The following SLITRK2 variants were observed in gnomAD, a reference collection of about 807,000 sequenced individuals.
The protein encoded by SLITRK2 is SLIT and NTRK like family member 2.
In SLITRK2, 13 loss-of-function variants were observed where a neutral mutation model predicts 35.4. The ratio of observed to expected loss-of-function variants is 0.37; its 90% CI spans 0.24 to 0.58. The LOEUF (loss-of-function observed/expected upper bound fraction) is 0.58. Ranked by LOEUF, SLITRK2 falls within the 20% of genes least tolerant of loss-of-function variation. SLITRK2 has a pLI of 0.75. For missense variants in SLITRK2, 471 were observed against 634.3 expected, an observed-to-expected ratio of 0.74 and a Z score of 2.76; for synonymous variants, 294 against 264.7, an observed-to-expected ratio of 1.11 and a Z score of -1.07.
rs2073080415 is a variant in SLITRK2, at chrX:145,824,339, T to C, written c.1914T>C (p.Gly638=). Reference sequence around the variant, plus strand: ...TCTTATCTGTCTGTTTTGGGGCTGGTTTATTCGTCTTTGTCTTGAAACGCC... The same window carrying C: ...TCTTATCTGTCTGTTTTGGGGCTGGCTTATTCGTCTTTGTCTTGAAACGCC... The part of the protein sequence containing the change: ...VFILSVCFGA[G]LFVFVLKRRK... Residue 638 remains glycine (G), a synonymous_variant, in exon 5 of 5, where the codon GGT becomes GGC. Transcript: ENST00000335565. The C allele has an allele frequency of 8.3e-7, 1 of 1,209,320 alleles. No individual in the cohort carries two copies. Among genetic ancestry groups the C allele is most frequent in the Non-Finnish European group, 1.1e-6 (1 of 895,153 alleles).
Position 145,825,082 on chromosome X carries a change from T to C in SLITRK2, c.*119T>C. 5.9e-6 allele frequency: 5 copies of C among 843,011 alleles called. No individual in the cohort carries two copies. Among genetic ancestry groups the C allele is most frequent in the Non-Finnish European group, 8.0e-6 (5 of 622,761 alleles). The allele number at this position is 843,011 out of a possible 1,213,427, so 69.5% of individuals were successfully genotyped here. On this transcript the variant is annotated 3_prime_UTR_variant, in exon 5 of 5. Coordinates refer to ENST00000335565, the MANE Select transcript of SLITRK2 (RefSeq NM_032539.5). ...CTTTCCCAGTGTTAATGGGGGACTT[T>C]GAAAATGTTTGGGAGATAGGATGAA... is the stretch of plus-strand genomic sequence containing the variant.
rs1603140211 is a variant in SLITRK2 at position 145,824,285 on chromosome X, C to T, written c.1860C>T (p.Val620=). The change falls in exon 5 of 5, where the codon GTC becomes GTT. Residue 620 remains valine, a synonymous_variant. Transcript: ENST00000335565. ...TACACACTGAAGTTCCACTGTCTGT[C>T]TTAATTCTGGGATTGCTTGTTGTTT... is the stretch of plus-strand genomic sequence containing the variant. ...PELHTEVPLS[V]LILGLLVVFI... The T allele has an allele frequency of 8.3e-7, 1 of 1,210,977 alleles. No individual in the cohort carries two copies. Among genetic ancestry groups the T allele is most frequent in the Non-Finnish European group, 1.1e-6 (1 of 895,040 alleles).
chrX:145,821,021 T>A (rs1455761599), intron 2 of SLITRK2: 1 of 107,683 alleles, frequency 9.3e-6, no homozygotes, highest in Non-Finnish European at 1.9e-5. Context: ...AGAGAGCATC[T>A]GAGCTAGGAG....
Position 145,829,279 on chromosome X carries a change from A to C in SLITRK2, c.*4316A>C, listed in dbSNP as rs1248877092. The stretch of plus-strand genomic sequence containing the variant: ...CTTGTGAATTCTTTCATAAAGCAGA[A>C]AACCATTTTATAATACAAATAACCA... On this transcript the variant is annotated 3_prime_UTR_variant, in exon 5 of 5. Transcript: ENST00000335565. 2.4e-5 allele frequency: 3 copies of C among 123,924 alleles called. No homozygotes were observed. The highest frequency in any genetic ancestry group is 9.7e-5 in the African/African-American group (3 of 31,043). 10.2% of individuals were successfully genotyped at this position (123,924 alleles called of 1,213,427 possible). A position where few individuals can be genotyped will look rare whatever the true frequency, so the allele number is the denominator to read the frequency against.
rs1569506591 is a variant in SLITRK2 at position 145,823,312 on chromosome X, C to A, written c.887C>A (p.Thr296Asn). ...SPTMNPALNP[T>N]RAPKASRPPK... ...ACAATGAATCCTGCTCTCAACCCAA[C>A]CAGGGCTCCGAAAGCCAGCCGGCCG... The change falls in exon 5 of 5, where the codon ACC (threonine) becomes AAC (asparagine). Residue 296 changes from threonine to asparagine, a missense_variant. Thr to Asn is a moderately conservative substitution (Grantham distance 65). This residue lies in a region of SLITRK2 where 56 missense variants were observed against 48.7 expected (regional missense o/e 1.15). Coordinates refer to ENST00000335565, the MANE Select transcript of SLITRK2 (RefSeq NM_032539.5). 1.7e-6 allele frequency: 2 copies of A among 1,209,478 alleles called. No homozygotes were observed. The highest frequency in any genetic ancestry group is 1.1e-6 in the Non-Finnish European group (1 of 895,028).
In SLITRK2 at chrX:145,828,727, G is replaced by A. The variant is rs2073148138; in HGVS notation, c.*3764G>A. ...AAGTTAAGTTTTTAAAGGTGATTCTGTGCAGTAAGGTATAAAACAGATATA... is the reference window on the plus strand; with the variant it reads ...AAGTTAAGTTTTTAAAGGTGATTCTATGCAGTAAGGTATAAAACAGATATA... On this transcript the variant is annotated 3_prime_UTR_variant, in exon 5 of 5. Transcript: ENST00000335565. 1 of 122,942 alleles carries A rather than the reference G, an allele frequency of 8.1e-6. No homozygotes were observed. Among genetic ancestry groups the A allele is most frequent in the Non-Finnish European group, 1.9e-5 (1 of 53,256 alleles). The allele number at this position is 122,942 out of a possible 1,213,427, so 10.1% of individuals were successfully genotyped here.
In SLITRK2 at chrX:145,822,590, C is replaced by T. The variant is rs144700867; in HGVS notation, c.165C>T (p.Ser55=). Reference sequence around the variant, plus strand: ...AGAACAAAGGATTTACAACAGTTAGCCTGCTCCAGCCCCCCCAGTATCGAA... The same window carrying T: ...AGAACAAAGGATTTACAACAGTTAGTCTGCTCCAGCCCCCCCAGTATCGAA... ...NCENKGFTTV[S]LLQPPQYRIY... Residue 55 remains serine (S), a synonymous_variant, in exon 5 of 5, where the codon AGC becomes AGT. Coordinates refer to ENST00000335565, the MANE Select transcript of SLITRK2 (RefSeq NM_032539.5). 17 of 1,209,475 alleles carry T rather than the reference C, an allele frequency of 1.4e-5. No homozygotes were observed. The African/African-American group carries it at 1.6e-4, about 11-fold the overall frequency.
In SLITRK2 at chrX:145,827,455, T is replaced by C. The variant is rs782393263; in HGVS notation, c.*2492T>C. The stretch of plus-strand genomic sequence containing the variant: ...ATTTTTATTTTTCTGAAAGTAAAGA[T>C]ACTCCTGTAAAATGCCATTGTCCAT... On this transcript the variant is annotated 3_prime_UTR_variant, in exon 5 of 5. Transcript: ENST00000335565. 3.7e-6 allele frequency: 1 copy of C among 269,637 alleles called. No homozygotes were observed. The highest frequency in any genetic ancestry group is 6.6e-5 in the East Asian group (1 of 15,130). 22.2% of individuals were successfully genotyped at this position (269,637 alleles called of 1,213,427 possible).
rs782673748 is a variant in SLITRK2, at chrX:145,824,710, G to C, written c.2285G>C (p.Arg762Pro). The C allele has an allele frequency of 8.3e-7, 1 of 1,211,567 alleles. No individual in the cohort carries two copies. The highest frequency in any genetic ancestry group is 1.8e-5 in the South Asian group (1 of 56,934). The change falls in exon 5 of 5, where the codon CGA (arginine) becomes CCA (proline). Residue 762 changes from arginine to proline, a missense_variant. Coordinates refer to ENST00000335565, the MANE Select transcript of SLITRK2 (RefSeq NM_032539.5). ...CTGCTGTATCAAAATATTGCTGAGC[G>C]AGTCAAGGAACTTCCCAGCGCAGGC... Reference protein sequence around the residue: ...PELLYQNIAERVKELPSAGLV... With the variant: ...PELLYQNIAEPVKELPSAGLV...
chrX:145,820,639 T>A (rs2072986072), intron 2 of SLITRK2, 103 bp downstream of exon 2: 1 of 111,680 alleles, frequency 9.0e-6, no homozygotes, highest in Non-Finnish European at 1.9e-5. Flanking sequence ...CCCCTGCCCC[T>A]GCAGCCTGGA....
rs782500621 is a variant in SLITRK2 at position 145,823,375 on chromosome X, T to G, written c.950T>G (p.Val317Gly). The stretch of plus-strand genomic sequence containing the variant: ...AATCGTCCAACTCCTCGAGTGACTG[T>G]GTCAAAGGACAGGCAAAGTTTTGGA... ...MRNRPTPRVTVSKDRQSFGPI... is the reference protein window; with the variant it reads ...MRNRPTPRVTGSKDRQSFGPI... The change falls in exon 5 of 5, where the codon GTG (valine) becomes GGG (glycine). Residue 317 changes from valine to glycine, a missense_variant. Physicochemically the swap from Val to Gly is moderately radical, Grantham distance 109. Transcript: ENST00000335565. 1 of 1,209,873 alleles carries G rather than the reference T, an allele frequency of 8.3e-7. No individual in the cohort carries two copies. Among genetic ancestry groups the G allele is most frequent in the Admixed American group, 2.2e-5 (1 of 45,743 alleles).
rs911997400 is a variant in SLITRK2, at chrX:145,829,485, C to T, written c.*4522C>T. On this transcript the variant is annotated 3_prime_UTR_variant, in exon 5 of 5. Transcript: ENST00000335565. ...ATGTGAATTGAGCTATCAAGCAATG[C>T]TATCATAGCACAGTAGCAGTCCTGA... 9.0e-5 allele frequency: 11 copies of T among 122,876 alleles called. No individual in the cohort carries two copies. The highest frequency in any genetic ancestry group is 3.3e-4 in the African/African-American group (10 of 30,667). The allele number at this position is 122,876 out of a possible 1,213,427, so 10.1% of individuals were successfully genotyped here. A position where few individuals can be genotyped will look rare whatever the true frequency, so the allele number is the denominator to read the frequency against.
In SLITRK2 at chrX:145,823,292, G is replaced by T; in HGVS notation, c.867G>T (p.Met289Ile). 8.3e-7 allele frequency: 1 copy of T among 1,211,716 alleles called. No individual in the cohort carries two copies. The highest frequency in any genetic ancestry group is 1.1e-6 in the Non-Finnish European group (1 of 895,533). The change falls in exon 5 of 5, where the codon ATG becomes ATT. Residue 289 changes from methionine (M) to isoleucine (I), a missense_variant. Met to Ile is a conservative substitution (Grantham distance 10, BLOSUM62 1). Transcript: ENST00000335565. ...DTHVQRLSPT[M>I]NPALNPTRAP... ...ACGTCCAAAGGCTGTCACCTACAAT[G>T]AATCCTGCTCTCAACCCAACCAGGG...
intron 1 of SLITRK2, chrX:145,818,729 G>C (rs782099064): frequency 8.9e-6 from 1 of 112,214 alleles, no homozygotes; most frequent in East Asian, 2.8e-4. Context: ...AGATGCGAGT[G>C]AGACAGGCGA....
In SLITRK2 at chrX:145,829,819, T is replaced by C. The variant is rs2073157703; in HGVS notation, c.*4856T>C. The C allele has an allele frequency of 8.1e-6, 1 of 123,684 alleles. No homozygotes were observed. The highest frequency in any genetic ancestry group is 1.9e-5 in the Non-Finnish European group (1 of 53,374). 10.2% of individuals were successfully genotyped at this position (123,684 alleles called of 1,213,427 possible). A position where few individuals can be genotyped will look rare whatever the true frequency, so the allele number is the denominator to read the frequency against. ...CAAATGAAACAAGCTCTTGTGTAAA[T>C]AGACTTCTGTGCCTAATAGTGACAT... On this transcript the variant is annotated 3_prime_UTR_variant, in exon 5 of 5. Coordinates refer to ENST00000335565, the MANE Select transcript of SLITRK2 (RefSeq NM_032539.5).
In SLITRK2 at chrX:145,824,533, A is replaced by G. The variant is rs1556944967; in HGVS notation, c.2108A>G (p.Gln703Arg). The G allele has an allele frequency of 8.3e-7, 1 of 1,210,854 alleles. No individual in the cohort carries two copies. The highest frequency in any genetic ancestry group is 1.1e-6 in the Non-Finnish European group (1 of 895,277). ...ATGTGCCAAAACCCCATCTACATGC[A>G]GAAGGAAGGAGACCCAGTAGCCTAT... ...GQMCQNPIYM[Q>R]KEGDPVAYYR... Residue 703 changes from glutamine (Q) to arginine (R), a missense_variant, in exon 5 of 5, where the codon CAG becomes CGG. Physicochemically the swap from Gln to Arg is conservative, Grantham distance 43 (BLOSUM62 1). Around this residue, in one of 7 missense-constraint regions of SLITRK2, gnomAD observed 190 missense variants for 199.3 expected, o/e 0.95. Transcript: ENST00000335565.
At position 145,824,369 on chromosome X, in the gene SLITRK2, G is replaced by A. The variant is rs140768970; in HGVS notation, c.1944G>A (p.Lys648=). Residue 648 remains lysine (K), a synonymous_variant, in exon 5 of 5, where the codon AAG becomes AAA. Transcript: ENST00000335565. The part of the protein sequence containing the change: ...GLFVFVLKRR[K]GVPSVPRNTN... Reference sequence around the variant, plus strand: ...TCGTCTTTGTCTTGAAACGCCGAAAGGGAGTGCCGAGCGTTCCCAGGAATA... The same window carrying A: ...TCGTCTTTGTCTTGAAACGCCGAAAAGGAGTGCCGAGCGTTCCCAGGAATA... 13 of 1,209,124 alleles carry A rather than the reference G, an allele frequency of 1.1e-5. No individual in the cohort carries two copies. The highest frequency in any genetic ancestry group is 4.6e-4 in the Middle Eastern group (2 of 4,376).
rs2073115147 is a variant in SLITRK2, at chrX:145,825,614, T to C, written c.*651T>C. The C allele has an allele frequency of 8.1e-6, 1 of 123,832 alleles. No individual in the cohort carries two copies. The highest frequency in any genetic ancestry group is 3.2e-5 in the African/African-American group (1 of 30,989). The allele number at this position is 123,832 out of a possible 1,213,427, so 10.2% of individuals were successfully genotyped here. ...TTGAAAACACTGTAAAATAGATTGA[T>C]GTGTCAGCTATATTAAGTCAACGTA... is the stretch of plus-strand genomic sequence containing the variant. On this transcript the variant is annotated 3_prime_UTR_variant, in exon 5 of 5. Transcript: ENST00000335565.
At chrX:145,821,264 G>T (rs1304063412) in intron 2 of SLITRK2, 84 bp from the exon 3 acceptor site, 1 of 106,873 alleles carries the variant, frequency 9.4e-6, no homozygotes, top group African/African-American at 3.4e-5. Context: ...AGAACACACA[G>T]AGGGGCCCAA....
Sources: gnomAD v4.1 joint callset for allele counts on GRCh38, gnomAD v4.1.1 for gene constraint, gnomAD v4.1.1 regional missense constraint, MANE v1.5 for transcripts, NCBI Gene and HGNC (gene_info 2026-07-23, HGNC 2026-07-21) for gene names.